The following MLLT3 variants were observed in gnomAD, a reference collection of about 807,000 sequenced individuals.
MLLT3 encodes the protein MLLT3 super elongation complex subunit.
Under a neutral mutation model 53.2 loss-of-function variants are expected in MLLT3, and 4 were observed. The observed-to-expected ratio is 0.08, with a 90% CI of 0.04 to 0.17. The LOEUF is 0.17. Among genes scored for constraint, MLLT3 ranks in the 10% least tolerant of loss-of-function variants. The probability of loss-of-function intolerance (pLI) is 1.00; values close to 1 mark genes in which losing one functional copy is unlikely to be tolerated. For missense variants in MLLT3, 569 were observed against 684.0 expected, an observed-to-expected ratio of 0.83 and a Z score of 1.87; for synonymous variants, 283 against 230.6, an observed-to-expected ratio of 1.23 and a Z score of -2.06.
chr9:20,516,295 G>A (rs1329046860), intron 2 of MLLT3, among the ~76,000 whole-genome samples: 3 of 151,664 alleles, frequency 2.0e-5, no homozygotes, highest in Non-Finnish European at 4.4e-5. Context: ...TTTTCTAATC[G>A]CACTCCAATC....
At chr9:20,468,778 A>G (rs1035781584) in intron 2 of MLLT3, among the ~76,000 whole-genome samples, 2 of 152,206 alleles carry the variant, frequency 1.3e-5, no homozygotes, top group African/African-American at 2.4e-5. Flanking sequence ...GACGTCATAT[A>G]TGTTACTTCT....
At chr9:20,538,767 A>T (rs191199148) in intron 2 of MLLT3, among the ~76,000 whole-genome samples, 2 of 152,362 alleles carry the variant, frequency 1.3e-5, no homozygotes, top group East Asian at 3.9e-4. Flanking sequence ...TGTTTTTTAA[A>T]AATCTGCACA....
At chr9:20,467,017 A>G (rs1451246010) in intron 2 of MLLT3, among the ~76,000 whole-genome samples, 1 of 152,236 alleles carries the variant, frequency 6.6e-6, no homozygotes, top group Non-Finnish European at 1.5e-5. Context: ...GCTAGAGTAT[A>G]TATGAAACAT....
chr9:20,615,387 A>AAC (rs1820807154), intron 2 of MLLT3, among the ~76,000 whole-genome samples: 2 of 105,510 alleles, frequency 1.9e-5, no homozygotes, highest in Non-Finnish European at 4.1e-5. Context: ...AAAAAAAAAA[A>AAC]AAAAAAAAAG....
rs551072927 is a variant in MLLT3 at position 20,344,597 on chromosome 9, T to C, written c.*1846A>G. Reference sequence around the variant, plus strand: ...ATCGTCATTAAGAATCATAACATTATTGAGAAAGTACACTTGTCCTCTGGG... The same window carrying C: ...ATCGTCATTAAGAATCATAACATTACTGAGAAAGTACACTTGTCCTCTGGG... On this transcript the variant is annotated 3_prime_UTR_variant, in exon 11 of 11. Transcript: ENST00000380338. The C allele has an allele frequency of 2.4e-5, 5 of 211,012 alleles. No individual in the cohort carries two copies. Among genetic ancestry groups the C allele is most frequent in the African/African-American group, 4.5e-5 (2 of 44,278 alleles). The allele number at this position is 211,012 out of a possible 1,614,324, so 13.1% of individuals were successfully genotyped here. A position where few individuals can be genotyped will look rare whatever the true frequency, so the allele number is the denominator to read the frequency against.
chr9:20,355,297 G>T (rs1296463860), intron 8 of MLLT3, among the ~76,000 whole-genome samples: 2 of 151,952 alleles, frequency 1.3e-5, no homozygotes, highest in Non-Finnish European at 2.9e-5. Flanking sequence ...AGTATGCTAG[G>T]GATGATAAAA....
chr9:20,464,512 A>C (rs1416299577), intron 2 of MLLT3, among the ~76,000 whole-genome samples: 1 of 152,154 alleles, frequency 6.6e-6, no homozygotes, highest in Non-Finnish European at 1.5e-5. Context: ...GAAAGTACTG[A>C]GTGACAAGTG....
chr9:20,385,885 A>G (rs1822022174), intron 5 of MLLT3, among the ~76,000 whole-genome samples: 1 of 152,244 alleles, frequency 6.6e-6, no homozygotes. Context: ...GATAAGATCC[A>G]TTTCAATGGT....
intron 2 of MLLT3, among the ~76,000 whole-genome samples, chr9:20,513,902 A>C (rs1213688435): frequency 6.6e-6 from 1 of 152,218 alleles, no homozygotes; most frequent in Non-Finnish European, 1.5e-5. Context: ...ACCAGTTTTT[A>C]AATGTCAGAT....
intron 2 of MLLT3, among the ~76,000 whole-genome samples, chr9:20,460,097 T>G (rs1391324592): frequency 6.6e-6 from 1 of 152,248 alleles, no homozygotes; most frequent in Non-Finnish European, 1.5e-5. Flanking sequence ...GTAGGGATAC[T>G]ACATTAGATA....
rs531940761 is a variant in MLLT3, at chr9:20,494,069, T to C, written c.194-37283A>G. Among the ~76,000 whole-genome samples, 26 of 152,262 alleles carry C rather than the reference T, an allele frequency of 1.7e-4. No individual in the cohort carries two copies. The East Asian group carries it at 4.6e-3, about 27-fold the overall frequency. ...TCTTCAGGAAGATGCAATCAGTTCC[T>C]AAGTTTTCATTTATTATCCTGGATA... On this transcript the variant is annotated intron_variant, in intron 2 of 10. Transcript: ENST00000380338.
At chr9:20,483,726 G>A (rs1393216353) in intron 2 of MLLT3, among the ~76,000 whole-genome samples, 7 of 103,580 alleles carry the variant, frequency 6.8e-5, no homozygotes, top group African/African-American at 1.2e-4. Context: ...TTTTTTTTCC[G>A]AGATGGAGTA....
intron 2 of MLLT3, among the ~76,000 whole-genome samples, chr9:20,560,754 A>C (rs547855134): frequency 2.6e-5 from 4 of 152,066 alleles, no homozygotes; most frequent in African/African-American, 9.7e-5. Flanking sequence ...TTATTAAAAA[A>C]TTTTTTATTC....
At chr9:20,346,662 G>A in intron 10 of MLLT3, 88 bp from the exon 11 acceptor site, 1 of 1,251,816 alleles carries the variant, frequency 8.0e-7, no homozygotes, top group Non-Finnish European at 1.1e-6. Flanking sequence ...ATCAAATATG[G>A]AATCAAGTGA....
chr9:20,539,581 C>T (rs1027688756), intron 2 of MLLT3, among the ~76,000 whole-genome samples: 1 of 152,174 alleles, frequency 6.6e-6, no homozygotes, highest in African/African-American at 2.4e-5. Context: ...CTTGTGAGAA[C>T]TGACTCACTA....
At position 20,382,818 on chromosome 9, in the gene MLLT3, C is replaced by T. The variant is rs1370060648; in HGVS notation, c.1126-17074G>A. ...GACATCAACTTACATCAATTCCTTG[C>T]TCTAGCCTGCAGGGTTTTATGAAGT... On this transcript the variant is annotated intron_variant, in intron 5 of 10. Transcript: ENST00000380338. Among the ~76,000 whole-genome samples, 4 of 151,884 alleles carry T rather than the reference C, an allele frequency of 2.6e-5. No homozygotes were observed. In the South Asian group the frequency reaches 8.3e-4, roughly 32 times the overall value.
chr9:20,474,529 G>A (rs777075746), intron 2 of MLLT3, among the ~76,000 whole-genome samples: 9 of 151,802 alleles, frequency 5.9e-5, no homozygotes, highest in Admixed American at 1.3e-4. Context: ...TACAAGGCTC[G>A]GTCTACCACC....
At chr9:20,613,856 T>C (rs1485407175) in intron 2 of MLLT3, among the ~76,000 whole-genome samples, 1 of 152,156 alleles carries the variant, frequency 6.6e-6, no homozygotes, top group Non-Finnish European at 1.5e-5. Flanking sequence ...TTTAACTCTG[T>C]ATACCTTTTG....
intron 3 of MLLT3, among the ~76,000 whole-genome samples, chr9:20,454,077 A>T (rs1823902150): frequency 6.6e-6 from 1 of 152,208 alleles, no homozygotes. Flanking sequence ...AAAGGAAGAG[A>T]TGTTTTTCAT....
Sources: allele counts gnomAD v4.1 joint callset (sites outside exome capture counted in the v4.1 genomes callset), GRCh38; gene constraint gnomAD v4.1.1; transcripts MANE v1.5; gene names NCBI Gene and HGNC (gene_info 2026-07-23, HGNC 2026-07-21).